MYOM1: variants seen among roughly 807,000 people sequenced by gnomAD.
MYOM1 encodes the protein myomesin-1.
A neutral mutation model predicts 205.3 loss-of-function variants in MYOM1; 164 were observed. That is an observed-to-expected ratio of 0.80 (90% CI 0.70 to 0.91). The LOEUF is 0.91. Among genes scored for constraint, MYOM1 ranks in the 40% least tolerant of loss-of-function variants. The probability of loss-of-function intolerance (pLI) is 0.00; values close to 1 mark genes in which losing one functional copy is unlikely to be tolerated. For synonymous variants in MYOM1, 772 were observed against 789.4 expected (o/e 0.98, Z 0.37); for missense variants, 2,011 against 2,127.3 (o/e 0.95, Z 1.08).
intron 13 of MYOM1, among the ~76,000 whole-genome samples, chr18:3,145,653 A>G (rs1487324674): frequency 1.3e-5 from 2 of 152,326 alleles, no homozygotes; most frequent in Middle Eastern, 3.4e-3. Context: ...AAAAATATTT[A>G]GCACTAAATG....
chr18:3,099,626 T>C (rs2079351369), intron 25 of MYOM1, among the ~76,000 whole-genome samples: 1 of 152,320 alleles, frequency 6.6e-6, no homozygotes, highest in African/African-American at 2.4e-5. Context: ...TAATCTTTTA[T>C]GTAGAAGGTG....
At chr18:3,120,518 T>C (rs571364930) in intron 19 of MYOM1, among the ~76,000 whole-genome samples, 1 of 152,184 alleles carries the variant, frequency 6.6e-6, no homozygotes, top group South Asian at 2.1e-4. Flanking sequence ...CTGAGCGGGC[T>C]TGGAAGAGGA....
At chr18:3,095,188 G>A (rs534526761) in intron 25 of MYOM1, among the ~76,000 whole-genome samples, 1 of 152,032 alleles carries the variant, frequency 6.6e-6, no homozygotes, top group South Asian at 2.1e-4. Context: ...GAGAAGGTGG[G>A]CTTTGGAGTC....
intron 21 of MYOM1, among the ~76,000 whole-genome samples, chr18:3,115,649 T>C (rs1338217929): frequency 6.6e-6 from 1 of 152,180 alleles, no homozygotes; most frequent in African/African-American, 2.4e-5. Context: ...GGCATCAGGG[T>C]CTCCAGGTGC....
At chr18:3,188,372 T>A (rs2080851317) in intron 4 of MYOM1, among the ~76,000 whole-genome samples, 1 of 151,976 alleles carries the variant, frequency 6.6e-6, no homozygotes, top group Non-Finnish European at 1.5e-5. Context: ...ATCCCAACAT[T>A]TGGGGAGGCC....
At chr18:3,144,515 C>G (rs2080097431) in intron 13 of MYOM1, among the ~76,000 whole-genome samples, 1 of 151,870 alleles carries the variant, frequency 6.6e-6, no homozygotes, top group Admixed American at 6.6e-5. Context: ...GTTAAAACAC[C>G]CCAATTAAAA....
intron 2 of MYOM1, among the ~76,000 whole-genome samples, chr18:3,206,753 C>T (rs1335580832): frequency 2.0e-5 from 3 of 152,068 alleles, no homozygotes; most frequent in Non-Finnish European, 4.4e-5. Flanking sequence ...TCAAAGTTCG[C>T]GGACAAGTAG....
At chr18:3,159,934 CTTCT>C (rs1204658366) in intron 10 of MYOM1, among the ~76,000 whole-genome samples, 6 of 124,364 alleles carry the variant, frequency 4.8e-5, no homozygotes, top group African/African-American at 1.9e-4. Context: ...TCCTTCCTTC[CTTCT>C]CTCCTTCCCT....
chr18:3,082,915 A>T (rs16944391), intron 33 of MYOM1, among the ~76,000 whole-genome samples: 11,631 of 152,234 alleles, frequency 0.076, 458 homozygotes, highest in African/African-American at 0.086. Flanking sequence ...ACTCTGCCAG[A>T]TGCTATAACA....
chr18:3,164,560 A>C, intron 9 of MYOM1, 121 bp from the exon 10 acceptor site: 1 of 954,420 alleles, frequency 1.0e-6, no homozygotes, highest in Non-Finnish European at 1.5e-6. Context: ...TACTAGAGGA[A>C]GTCTCTAGGA....
At position 3,102,467 on chromosome 18, in the gene MYOM1, T is replaced by C; in HGVS notation, c.3575+7A>G. The C allele has an allele frequency of 6.2e-7, 1 of 1,608,024 alleles. No individual in the cohort carries two copies. On this transcript the variant is annotated splice_region_variant and intron_variant, in intron 23 of 37. Coordinates refer to ENST00000356443, the MANE Select transcript of MYOM1 (RefSeq NM_003803.4). Reference sequence around the variant, plus strand: ...AAACCCATGATTGTGATTGACATAGTCCTTACTTGTTGCCCTTGCTTTCGA... The same window carrying C: ...AAACCCATGATTGTGATTGACATAGCCCTTACTTGTTGCCCTTGCTTTCGA...
chr18:3,096,946 A>G (rs1023455679), intron 25 of MYOM1, among the ~76,000 whole-genome samples: 2 of 151,950 alleles, frequency 1.3e-5, no homozygotes, highest in African/African-American at 4.8e-5. Context: ...TATTTTTTCT[A>G]TTTACTCAGC....
intron 12 of MYOM1, among the ~76,000 whole-genome samples, chr18:3,150,979 C>CTTTTTTTTTT (rs1164882266): frequency 9.1e-4 from 51 of 55,838 alleles, no homozygotes; most frequent in African/African-American, 1.3e-3. Flanking sequence ...CCATGCCTGG[C>CTTTTTTTTTT]TTTTTTTTTT....
chr18:3,132,114 G>GTATATATATA (rs1475436185), intron 16 of MYOM1, among the ~76,000 whole-genome samples: 2 of 70,932 alleles, frequency 2.8e-5, no homozygotes, highest in South Asian at 1.7e-3. Context: ...TTATATATGT[G>GTATATATATA]TGTGTATATA....
the MYOM1 span, among the ~76,000 whole-genome samples, chr18:3,240,799 C>T: frequency 6.6e-6 from 1 of 152,190 alleles, no homozygotes; most frequent in African/African-American, 2.4e-5. Flanking sequence ...AGTTGAATGG[C>T]TTTGCCCAAA....
rs1335468242 is a variant in MYOM1, at chr18:3,083,748, G to A, written c.4484+41C>T. 18 of 1,496,424 alleles carry A rather than the reference G, an allele frequency of 1.2e-5. 1 individual carries two copies. The South Asian group carries it at 1.2e-4, about 10-fold the overall frequency. The allele number at this position is 1,496,424 out of a possible 1,614,324, so 92.7% of individuals were successfully genotyped here. A position where few individuals can be genotyped will look rare whatever the true frequency, so the allele number is the denominator to read the frequency against. The stretch of plus-strand genomic sequence containing the variant: ...GGTGTGAGCTGCCGCGCCTGGCAGG[G>A]AAAGAATTTCTACACAGCAAGTAAG... On this transcript the variant is annotated intron_variant, in intron 33 of 37. Transcript: ENST00000356443.
chr18:3,150,402 C>T (rs796151853), intron 12 of MYOM1, among the ~76,000 whole-genome samples: 5 of 152,268 alleles, frequency 3.3e-5, no homozygotes, highest in African/African-American at 1.2e-4. Flanking sequence ...TGCCACTACA[C>T]GTACTGAAGG....
At chr18:3,177,629 G>A (rs959818462) in intron 5 of MYOM1, among the ~76,000 whole-genome samples, 15 of 152,024 alleles carry the variant, frequency 9.9e-5, no homozygotes, top group Non-Finnish European at 1.6e-4. Context: ...CGGCCACTAC[G>A]CCTGGCTAGT....
chr18:3,105,876 G>A (rs1328995649), intron 22 of MYOM1, among the ~76,000 whole-genome samples: 3 of 151,886 alleles, frequency 2.0e-5, no homozygotes, highest in Admixed American at 6.6e-5. Flanking sequence ...AGAAAATCCC[G>A]TTTAGTTTTT....
Sources: allele counts gnomAD v4.1 joint callset (sites outside exome capture counted in the v4.1 genomes callset), GRCh38; gene constraint gnomAD v4.1.1; transcripts MANE v1.5; gene names NCBI Gene and HGNC (gene_info 2026-07-23, HGNC 2026-07-21).